The following ERBIN variants were observed in gnomAD, a reference collection of about 807,000 sequenced individuals.
The protein encoded by ERBIN is densin-180-like protein.
ERBIN carries 60 observed loss-of-function variants against 158.4 expected under a neutral mutation model. That is an observed-to-expected ratio of 0.38 (90% CI 0.31 to 0.47). ERBIN has a LOEUF of 0.47. Ranked by LOEUF, ERBIN falls within the 20% of genes least tolerant of loss-of-function variation. The pLI, the probability that ERBIN is intolerant of heterozygous loss-of-function variation, is 0.99. For missense variants in ERBIN, 1,610 were observed against 1,648.0 expected, an observed-to-expected ratio of 0.98 and a Z score of 0.40; for synonymous variants, 594 against 557.2, an observed-to-expected ratio of 1.07 and a Z score of -0.93.
Position 66,000,177 on chromosome 5 carries a change from TGTATGTATTGG to T in ERBIN, c.307+5317_307+5327del, listed in dbSNP as rs534557850. ...ATTAAAAATCGTATACATCTGAAAT[TGTATGTATTGG>T]GTAAACTTTGCTATCAGTCTTTATG... On this transcript the variant is annotated intron_variant, in intron 4 of 25. Coordinates refer to ENST00000284037, the MANE Select transcript of ERBIN (RefSeq NM_001253697.2). Among the ~76,000 whole-genome samples, 147 of 152,266 alleles carry T rather than the reference TGTATGTATTGG, an allele frequency of 9.7e-4. 1 individual carries two copies. The highest frequency in any genetic ancestry group is 3.5e-3 in the African/African-American group (145 of 41,546).
rs1434079569 is a variant in ERBIN at position 66,075,032 on chromosome 5, G to A, written c.3765G>A (p.Leu1255=). 1.2e-6 allele frequency: 2 copies of A among 1,613,966 alleles called. No individual in the cohort carries two copies. Among genetic ancestry groups the A allele is most frequent in the Admixed American group, 3.3e-5 (2 of 60,002 alleles). Residue 1255 remains leucine (L), a synonymous_variant, in exon 23 of 26, where the codon TTG becomes TTA. Transcript: ENST00000284037. Reference sequence around the variant, plus strand: ...CTTCATGTTTTTCTTAGATGCCTTTGAGTAATGGACAGATGGGCCAGCCTC... The same window carrying A: ...CTTCATGTTTTTCTTAGATGCCTTTAAGTAATGGACAGATGGGCCAGCCTC... ...VPPDSLMKMP[L]SNGQMGQPLR... is the part of the protein sequence containing the mutation.
At chr5:65,971,321 A>C (rs1484265476) in intron 1 of ERBIN, among the ~76,000 whole-genome samples, 1 of 152,108 alleles carries the variant, frequency 6.6e-6, no homozygotes, top group African/African-American at 2.4e-5. Context: ...TTGGAACACA[A>C]AGTTCCCTTT....
At chr5:65,978,307 T>G (rs547639064) in intron 1 of ERBIN, among the ~76,000 whole-genome samples, 34 of 152,236 alleles carry the variant, frequency 2.2e-4, no homozygotes, top group Non-Finnish European at 4.4e-4. Flanking sequence ...TGTCAGTTTT[T>G]CATGGTTAAT....
intron 14 of ERBIN, among the ~76,000 whole-genome samples, chr5:66,036,137 A>C (rs1047778071): frequency 6.6e-6 from 1 of 152,066 alleles, no homozygotes; most frequent in East Asian, 1.9e-4. Flanking sequence ...TGTGGTACTC[A>C]TTTTTGTCTT....
intron 4 of ERBIN, among the ~76,000 whole-genome samples, chr5:66,006,027 C>T (rs1753553881): frequency 6.6e-6 from 1 of 152,036 alleles, no homozygotes; most frequent in Non-Finnish European, 1.5e-5. Flanking sequence ...ACTTTCTTCA[C>T]AGAATTGCAA....
chr5:65,952,925 A>T (rs251303), intron 1 of ERBIN, among the ~76,000 whole-genome samples: 1 of 152,030 alleles, frequency 6.6e-6, no homozygotes, highest in South Asian at 2.1e-4. Flanking sequence ...CTAATTTAAA[A>T]GTTATAAATC....
intron 1 of ERBIN, among the ~76,000 whole-genome samples, chr5:65,937,679 C>T (rs1177547652): frequency 6.6e-6 from 1 of 152,104 alleles, no homozygotes; most frequent in Non-Finnish European, 1.5e-5. Context: ...GAGGCCGAGG[C>T]GGGCGGATCA....
chr5:65,999,094 C>T (rs1463409950), intron 4 of ERBIN, among the ~76,000 whole-genome samples: 1 of 151,958 alleles, frequency 6.6e-6, no homozygotes, highest in Middle Eastern at 3.2e-3. Context: ...TTTGGCTGTG[C>T]GTGGTGGCTC....
At chr5:66,028,231 C>T (rs759409464) in intron 13 of ERBIN, 43 bp from the exon 14 acceptor site, 5 of 1,455,676 alleles carry the variant, frequency 3.4e-6, no homozygotes, top group Non-Finnish European at 4.8e-6. Flanking sequence ...TTTAAATCTT[C>T]TCATTTTAAA....
chr5:65,966,181 T>C (rs1165142007), intron 1 of ERBIN, among the ~76,000 whole-genome samples: 3 of 152,216 alleles, frequency 2.0e-5, no homozygotes, highest in African/African-American at 7.2e-5. Context: ...CCTAGTGATA[T>C]AGCTGTCATA....
At chr5:65,950,239 T>G (rs1367320466) in intron 1 of ERBIN, among the ~76,000 whole-genome samples, 1 of 151,086 alleles carries the variant, frequency 6.6e-6, no homozygotes, top group Admixed American at 6.6e-5. Flanking sequence ...TCTCCTGACC[T>G]CGTGATCCCC....
At chr5:66,062,441 G>T (rs570540821) in intron 21 of ERBIN, among the ~76,000 whole-genome samples, 176 of 152,224 alleles carry the variant, frequency 1.2e-3, no homozygotes, top group Non-Finnish European at 1.9e-3. Context: ...TTATCCATTA[G>T]TCTAATTTTT....
intron 1 of ERBIN, among the ~76,000 whole-genome samples, chr5:65,962,130 A>G (rs1747994769): frequency 1.3e-5 from 2 of 152,218 alleles, no homozygotes. Flanking sequence ...TATAATGTAT[A>G]TTAAAGATGA....
At chr5:66,005,812 A>G (rs1283281922) in intron 4 of ERBIN, among the ~76,000 whole-genome samples, 1 of 152,242 alleles carries the variant, frequency 6.6e-6, no homozygotes, top group Non-Finnish European at 1.5e-5. Flanking sequence ...CAAAGGGAAT[A>G]AAATACCTAG....
intron 1 of ERBIN, among the ~76,000 whole-genome samples, chr5:65,986,868 C>G (rs541060231): frequency 6.6e-6 from 1 of 152,278 alleles, no homozygotes; most frequent in Admixed American, 6.5e-5. Flanking sequence ...AGCATTAATT[C>G]AGCATTAATT....
chr5:66,077,520 T>C (rs1043348972), intron 25 of ERBIN, among the ~76,000 whole-genome samples: 1 of 151,954 alleles, frequency 6.6e-6, no homozygotes, highest in African/African-American at 2.4e-5. Context: ...GTCTAATAGC[T>C]GAAAGTACAG....
rs188354368 is a variant in ERBIN, at chr5:65,982,374, T to G, written c.-57-6261T>G. Among the ~76,000 whole-genome samples, 6 of 152,334 alleles carry G rather than the reference T, an allele frequency of 3.9e-5. No individual in the cohort carries two copies. The East Asian group carries it at 1.2e-3, about 29-fold the overall frequency. ...TGCTTAGTGTTATTATCCTAGAATG[T>G]CTTTATACAAACACCTTATGTAAAT... On this transcript the variant is annotated intron_variant, in intron 1 of 25. Coordinates refer to ENST00000284037, the MANE Select transcript of ERBIN (RefSeq NM_001253697.2).
chr5:65,958,755 C>T (rs1175597592), intron 1 of ERBIN, among the ~76,000 whole-genome samples: 1 of 152,148 alleles, frequency 6.6e-6, no homozygotes, highest in Non-Finnish European at 1.5e-5. Flanking sequence ...AGTACCAATA[C>T]AACCATTCAG....
chr5:65,990,765 AT>A (rs1222133321), intron 2 of ERBIN, among the ~76,000 whole-genome samples: 6,022 of 146,310 alleles, frequency 0.041, 404 homozygotes, highest in African/African-American at 0.14. Context: ...TAAAAAAAAA[AT>A]TTTTTTTTTT....
Sources: gnomAD v4.1 joint callset for allele counts (sites outside exome capture counted in the v4.1 genomes callset) on GRCh38, gnomAD v4.1.1 for gene constraint, MANE v1.5 for transcripts, NCBI Gene and HGNC (gene_info 2026-07-23, HGNC 2026-07-21) for gene names.